Variants in CCDC85A observed in about 807,000 individuals in gnomAD.
CCDC85A encodes coiled-coil domain-containing protein 85A.
CCDC85A carries 38 observed loss-of-function variants against 50.2 expected under a neutral mutation model. The observed-to-expected ratio is 0.76, with a 90% CI of 0.58 to 0.99. CCDC85A has a LOEUF of 0.99. Ranked by LOEUF, CCDC85A falls within the 50% of genes least tolerant of loss-of-function variation. CCDC85A has a pLI of 0.00. For synonymous variants in CCDC85A, 366 were observed against 301.4 expected, an observed-to-expected ratio of 1.21 and a Z score of -2.22; for missense variants, 820 against 742.0, an observed-to-expected ratio of 1.11 and a Z score of -1.22.
At chr2:56,330,614 A>G (rs546640042) in intron 2 of CCDC85A, among the ~76,000 whole-genome samples, 3 of 152,190 alleles carry the variant, frequency 2.0e-5, no homozygotes, top group South Asian at 2.1e-4. Context: ...AAGTTTCACC[A>G]TATGGAGCCC....
chr2:56,327,644 A>T (rs1222090477), intron 2 of CCDC85A, among the ~76,000 whole-genome samples: 1 of 152,080 alleles, frequency 6.6e-6, no homozygotes. Context: ...TGGACATAAT[A>T]TTCAGCATGG....
chr2:56,312,515 G>A (rs974294620), intron 2 of CCDC85A, among the ~76,000 whole-genome samples: 67 of 151,930 alleles, frequency 4.4e-4, no homozygotes, highest in African/African-American at 1.6e-3. Flanking sequence ...CCATAATACA[G>A]GTTTTGAAGA....
intron 2 of CCDC85A, chr2:56,235,126 A>G (rs1355559099): frequency 1.3e-5 from 2 of 152,186 alleles, no homozygotes; most frequent in South Asian, 2.1e-4. Context: ...GTGATGTGCA[A>G]TGTGGTAAGA....
intron 3 of CCDC85A, among the ~76,000 whole-genome samples, chr2:56,357,669 T>TTTA: frequency 1.3e-5 from 2 of 151,132 alleles, no homozygotes; most frequent in African/African-American, 4.9e-5. Context: ...TTTTTTTTTT[T>TTTA]TTGCTATGTT....
intron 2 of CCDC85A, among the ~76,000 whole-genome samples, chr2:56,341,017 G>A (rs1164193719): frequency 2.6e-5 from 4 of 152,002 alleles, no homozygotes; most frequent in South Asian, 4.2e-4. Context: ...ATACATTGGC[G>A]TACTTCTGGG....
chr2:56,324,895 A>C (rs530126824), intron 2 of CCDC85A, among the ~76,000 whole-genome samples: 1 of 152,182 alleles, frequency 6.6e-6, no homozygotes, highest in African/African-American at 2.4e-5. Context: ...CCCATGGGAC[A>C]TGGATTTAAT....
In CCDC85A at chr2:56,193,165, C is replaced by T. The variant is rs761473394; in HGVS notation, c.965C>T (p.Ser322Leu). 1 of 1,613,218 alleles carries T rather than the reference C, an allele frequency of 6.2e-7. No individual in the cohort carries two copies. The highest frequency in any genetic ancestry group is 8.5e-7 in the Non-Finnish European group (1 of 1,179,528). The part of the protein sequence containing the change: ...GSPEHFQKHR[S>L]GSSPEHARHS... Reference sequence around the variant, plus strand: ...CCGGAACACTTCCAGAAGCACCGGTCAGGGAGCAGCCCTGAACACGCCAGG... The same window carrying T: ...CCGGAACACTTCCAGAAGCACCGGTTAGGGAGCAGCCCTGAACACGCCAGG... Residue 322 changes from serine to leucine, a missense_variant, in exon 2 of 6, where the codon TCA becomes TTA. Coordinates refer to ENST00000407595, the MANE Select transcript of CCDC85A (RefSeq NM_001080433.2).
chr2:56,288,148 G>A (rs1220847455), intron 2 of CCDC85A, among the ~76,000 whole-genome samples: 6 of 152,128 alleles, frequency 3.9e-5, no homozygotes, highest in Admixed American at 3.3e-4. Context: ...ATTACAGAGG[G>A]ATGGAGTAGA....
intron 2 of CCDC85A, among the ~76,000 whole-genome samples, chr2:56,321,317 A>T (rs1215564840): frequency 6.6e-6 from 1 of 152,186 alleles, no homozygotes; most frequent in Non-Finnish European, 1.5e-5. Flanking sequence ...AAGGTAATAA[A>T]GGGTATTCAG....
At chr2:56,375,992 G>A (rs1676318067) in intron 5 of CCDC85A, 57 bp downstream of exon 5, 6 of 1,581,634 alleles carry the variant, frequency 3.8e-6, no homozygotes, top group Admixed American at 1.8e-5. Context: ...TCGCTTGTTC[G>A]CTGTAGTCTA....
chr2:56,299,010 ATCTAG>A (rs962449179), intron 2 of CCDC85A, among the ~76,000 whole-genome samples: 2 of 152,174 alleles, frequency 1.3e-5, no homozygotes, highest in African/African-American at 4.8e-5. Flanking sequence ...AGGGTAGCAA[ATCTAG>A]TCACCTTGTA....
intron 2 of CCDC85A, among the ~76,000 whole-genome samples, chr2:56,210,975 T>C (rs1044591691): frequency 7.2e-5 from 11 of 152,082 alleles, no homozygotes; most frequent in African/African-American, 2.2e-4. Flanking sequence ...ACCACTGACA[T>C]AGGGGACAAG....
intron 2 of CCDC85A, among the ~76,000 whole-genome samples, chr2:56,251,466 C>G (rs1158205533): frequency 1.3e-5 from 2 of 152,206 alleles, no homozygotes; most frequent in Non-Finnish European, 2.9e-5. Context: ...CTTTCTTCTA[C>G]AAATGCTTAT....
chr2:56,224,413 A>G (rs529891027), intron 2 of CCDC85A, among the ~76,000 whole-genome samples: 2 of 152,218 alleles, frequency 1.3e-5, no homozygotes, highest in African/African-American at 4.8e-5. Context: ...GAATATTGCT[A>G]TTACACATAT....
At chr2:56,213,548 T>C (rs1015485820) in intron 2 of CCDC85A, among the ~76,000 whole-genome samples, 6 of 151,988 alleles carry the variant, frequency 3.9e-5, no homozygotes, top group African/African-American at 1.4e-4. Flanking sequence ...TCTAAGAGGT[T>C]GTTCTGCATC....
Position 56,384,320 on chromosome 2 carries a change from C to A in CCDC85A, c.1627C>A (p.His543Asn), listed in dbSNP as rs1485848797. Reference protein sequence around the residue: ...AAGSCPGIRQHLSGNQYKGPM With the variant: ...AAGSCPGIRQNLSGNQYKGPM Reference sequence around the variant, plus strand: ...AGGTTCGTGTCCTGGAATTAGGCAACATTTGTCAGGAAACCAGTACAAAGG... The same window carrying A: ...AGGTTCGTGTCCTGGAATTAGGCAAAATTTGTCAGGAAACCAGTACAAAGG... Residue 543 changes from histidine (H) to asparagine (N), a missense_variant, in exon 6 of 6, where the codon CAT (histidine) becomes AAT (asparagine). His to Asn is a moderately conservative substitution (Grantham distance 68, BLOSUM62 1). Transcript: ENST00000407595. 4 of 1,611,134 alleles carry A rather than the reference C, an allele frequency of 2.5e-6. No homozygotes were observed. Among genetic ancestry groups the A allele is most frequent in the Non-Finnish European group, 3.4e-6 (4 of 1,178,096 alleles).
At position 56,291,773 on chromosome 2, in the gene CCDC85A, CTTTT is replaced by C. The variant is rs35549209; in HGVS notation, c.1241-51090_1241-51087del. Among the ~76,000 whole-genome samples the C allele has an allele frequency of 9.5e-5, 11 of 115,500 alleles. 1 individual carries two copies. The East Asian group carries it at 1.3e-3, about 13-fold the overall frequency. 75.8% of individuals were successfully genotyped at this position (115,500 alleles called of 152,430 possible). A position where few individuals can be genotyped will look rare whatever the true frequency, so the allele number is the denominator to read the frequency against. On this transcript the variant is annotated intron_variant, in intron 2 of 5. Coordinates refer to ENST00000407595, the MANE Select transcript of CCDC85A (RefSeq NM_001080433.2). ...TTTTACTCAAAGAAAAATGGGAAGG[CTTTT>C]TTTTTTTTTTTTTTTAGACTTTTAG... is the stretch of plus-strand genomic sequence containing the variant.
chr2:56,276,738 G>A (rs1223599234), intron 2 of CCDC85A, among the ~76,000 whole-genome samples: 4 of 152,050 alleles, frequency 2.6e-5, no homozygotes, highest in Non-Finnish European at 5.9e-5. Flanking sequence ...TACAGTGAGT[G>A]TATTTTTTTT....
intron 2 of CCDC85A, among the ~76,000 whole-genome samples, chr2:56,213,810 A>G (rs1476103143): frequency 5.3e-5 from 8 of 151,982 alleles, no homozygotes; most frequent in Admixed American, 5.2e-4. Context: ...AGAAGGAGCA[A>G]AGTCTAATAA....
Sources: allele counts gnomAD v4.1 joint callset (sites outside exome capture counted in the v4.1 genomes callset), GRCh38; gene constraint gnomAD v4.1.1; transcripts MANE v1.5; gene names NCBI Gene and HGNC (gene_info 2026-07-23, HGNC 2026-07-21).